The following LRFN2 variants were observed in gnomAD, a reference collection of about 807,000 sequenced individuals.
The protein encoded by LRFN2 is leucine rich repeat and fibronectin type III domain containing 2, also known as leucine-rich repeat and fibronectin type-III domain-containing protein 2.
LRFN2 carries 18 observed loss-of-function variants against 37.3 expected under a neutral mutation model. The ratio of observed to expected loss-of-function variants is 0.48; its 90% CI spans 0.33 to 0.72. The LOEUF (loss-of-function observed/expected upper bound fraction) is 0.72, where lower values mean the gene tolerates loss of function less well. LRFN2 is among the 30% of genes least tolerant of loss of function. The probability of loss-of-function intolerance (pLI) is 0.02; values close to 1 mark genes in which losing one functional copy is unlikely to be tolerated. For missense variants in LRFN2, 1,006 were observed against 1,060.7 expected (o/e 0.95, Z 0.72); for synonymous variants, 556 against 466.6 (o/e 1.19, Z -2.47).
chr6:40,504,732 A>T (rs1350452427), intron 1 of LRFN2, among the ~76,000 whole-genome samples: 1 of 152,104 alleles, frequency 6.6e-6, no homozygotes, highest in African/African-American at 2.4e-5. Context: ...GGAGTGAGTC[A>T]CGGCCAGCCT....
At chr6:40,524,382 C>G (rs1365309570) in intron 1 of LRFN2, among the ~76,000 whole-genome samples, 4 of 120,388 alleles carry the variant, frequency 3.3e-5, no homozygotes, top group Non-Finnish European at 5.2e-5. Flanking sequence ...CTTACTGCTT[C>G]CCCACCCCCG....
At chr6:40,399,640 G>A (rs1344041570) in intron 2 of LRFN2, among the ~76,000 whole-genome samples, 1 of 151,116 alleles carries the variant, frequency 6.6e-6, no homozygotes, top group Non-Finnish European at 1.5e-5. Flanking sequence ...GTTTCACCAT[G>A]TTGCCCACGG....
chr6:40,473,418 A>G (rs1764644944), intron 1 of LRFN2, among the ~76,000 whole-genome samples: 5 of 152,242 alleles, frequency 3.3e-5, no homozygotes, highest in Admixed American at 3.3e-4. Context: ...GATGTGACAT[A>G]GCCCCCCAGG....
intron 1 of LRFN2, among the ~76,000 whole-genome samples, chr6:40,521,700 G>C (rs1319375457): frequency 1.3e-5 from 2 of 152,152 alleles, no homozygotes; most frequent in Admixed American, 6.5e-5. Flanking sequence ...GCTCAGGCTG[G>C]GCTGTACTGT....
chr6:40,565,404 C>CA (rs1405682080), intron 1 of LRFN2, among the ~76,000 whole-genome samples: 1 of 151,962 alleles, frequency 6.6e-6, no homozygotes, highest in Non-Finnish European at 1.5e-5. Flanking sequence ...CATATGGAAC[C>CA]AAAAAAGAGC....
chr6:40,449,095 A>G (rs574101472), intron 1 of LRFN2, among the ~76,000 whole-genome samples: 1 of 152,296 alleles, frequency 6.6e-6, no homozygotes, highest in East Asian at 1.9e-4. Flanking sequence ...AGAATCCCCA[A>G]TTGCACATGG....
At chr6:40,399,450 T>TA (rs1367954604) in intron 2 of LRFN2, among the ~76,000 whole-genome samples, 1 of 146,696 alleles carries the variant, frequency 6.8e-6, no homozygotes, top group Non-Finnish European at 1.5e-5. Context: ...TTTTTTTTTT[T>TA]TTTGAGACAC....
At chr6:40,461,723 G>A (rs756271981) in intron 1 of LRFN2, among the ~76,000 whole-genome samples, 79 of 152,092 alleles carry the variant, frequency 5.2e-4, no homozygotes, top group Non-Finnish European at 9.4e-4. Flanking sequence ...GAGAGGCGAG[G>A]GAGATTACCA....
intron 2 of LRFN2, among the ~76,000 whole-genome samples, chr6:40,418,448 C>T (rs555417824): frequency 6.6e-6 from 1 of 152,316 alleles, no homozygotes; most frequent in Non-Finnish European, 1.5e-5. Context: ...CTGTTCCCAC[C>T]TCTGCCTTCC....
intron 1 of LRFN2, among the ~76,000 whole-genome samples, chr6:40,434,482 CT>C (rs112476329): frequency 1.5e-3 from 218 of 141,584 alleles, no homozygotes; most frequent in African/African-American, 1.6e-3. Flanking sequence ...CTTTTTTTTT[CT>C]TTTTTTTTTT....
chr6:40,418,668 C>A (rs1460892980), intron 2 of LRFN2, among the ~76,000 whole-genome samples: 2 of 152,198 alleles, frequency 1.3e-5, no homozygotes, highest in Non-Finnish European at 2.9e-5. Flanking sequence ...TTGTTCCAAG[C>A]TCAAGCTCCC....
At chr6:40,505,882 G>A (rs928736974) in intron 1 of LRFN2, among the ~76,000 whole-genome samples, 5 of 152,222 alleles carry the variant, frequency 3.3e-5, no homozygotes, top group African/African-American at 1.2e-4. Flanking sequence ...AGAGATCCAA[G>A]GCACGTGGAG....
At chr6:40,476,216 G>C (rs551265512) in intron 1 of LRFN2, among the ~76,000 whole-genome samples, 217 of 152,268 alleles carry the variant, frequency 1.4e-3, no homozygotes, top group African/African-American at 3.5e-3. Flanking sequence ...AAGTATGAAG[G>C]CCTTTTCCCC....
At chr6:40,442,149 G>A (rs548495077) in intron 1 of LRFN2, among the ~76,000 whole-genome samples, 1 of 152,134 alleles carries the variant, frequency 6.6e-6, no homozygotes, top group Non-Finnish European at 1.5e-5. Flanking sequence ...CCTTTCCCTA[G>A]TACCCATCCA....
chr6:40,587,146 T>C lies in LRFN2; in HGVS notation c.-224A>G, dbSNP rs1199677101. On this transcript the variant is annotated 5_prime_UTR_variant, in exon 1 of 3. An upstream start codon of the reference 5' UTR is lost. Coordinates refer to ENST00000338305, the MANE Select transcript of LRFN2 (RefSeq NM_020737.3). This position sits in a 1 kb window ranked among gnomAD's most constrained non-coding sequence, Gnocchi z 4.2. ...TGAGCCGCTTATTCAGTTATATCCA[T>C]GGCATTTAGCAAGAAGAAGGGGGGA... 1.3e-5 allele frequency: 2 copies of C among 152,210 alleles called. No homozygotes were observed. The highest frequency in any genetic ancestry group is 2.9e-5 in the Non-Finnish European group (2 of 68,052). The allele number at this position is 152,210 out of a possible 1,614,324, so 9.4% of individuals were successfully genotyped here. A position where few individuals can be genotyped will look rare whatever the true frequency, so the allele number is the denominator to read the frequency against.
At chr6:40,471,967 C>T (rs1764607473) in intron 1 of LRFN2, among the ~76,000 whole-genome samples, 1 of 152,152 alleles carries the variant, frequency 6.6e-6, no homozygotes, top group Admixed American at 6.5e-5. Context: ...CCCAGGTATC[C>T]CAAATGCTGG....
intron 2 of LRFN2, among the ~76,000 whole-genome samples, chr6:40,395,345 C>T (rs1048298556): frequency 1.8e-4 from 28 of 152,340 alleles, no homozygotes; most frequent in African/African-American, 6.7e-4. Flanking sequence ...GTGTGACAGA[C>T]ATGGAAGCAT....
chr6:40,399,748 C>G (rs1001127641), intron 2 of LRFN2, among the ~76,000 whole-genome samples: 2 of 151,852 alleles, frequency 1.3e-5, no homozygotes, highest in African/African-American at 4.8e-5. Flanking sequence ...TGAATTCCCT[C>G]TTTCAAAAGA....
intron 1 of LRFN2, among the ~76,000 whole-genome samples, chr6:40,489,613 G>A (rs907437667): frequency 6.6e-6 from 1 of 152,110 alleles, no homozygotes; most frequent in Non-Finnish European, 1.5e-5. Context: ...GAGGGATGAG[G>A]CAGGGCTTCC....
Sources: allele counts gnomAD v4.1 joint callset (sites outside exome capture counted in the v4.1 genomes callset), GRCh38; gene constraint gnomAD v4.1.1; non-coding constraint Gnocchi (gnomAD v3.1); transcripts MANE v1.5; gene names NCBI Gene and HGNC (gene_info 2026-07-23, HGNC 2026-07-21).